The following RALYL variants were observed in gnomAD, a reference collection of about 807,000 sequenced individuals.
The protein encoded by RALYL is RNA-binding Raly-like protein.
A neutral mutation model predicts 35.1 loss-of-function variants in RALYL; 29 were observed. That is an observed-to-expected ratio of 0.83 (90% CI 0.61 to 1.13). The LOEUF is 1.13. Ranked by LOEUF, RALYL falls within the 50% of genes most tolerant of loss-of-function variation. The pLI is 0.00. For synonymous variants in RALYL, 120 were observed against 127.6 expected (o/e 0.94, Z 0.40); for missense variants, 359 against 360.4 (o/e 1.00, Z 0.03).
At chr8:84,312,987 A>G (rs1028168391) in intron 1 of RALYL, among the ~76,000 whole-genome samples, 1 of 152,236 alleles carries the variant, frequency 6.6e-6, no homozygotes, top group Admixed American at 6.5e-5. Flanking sequence ...AGGCTTCTGC[A>G]TGGACATCCA....
chr8:84,321,232 G>A (rs1844747294), intron 1 of RALYL, among the ~76,000 whole-genome samples: 1 of 152,130 alleles, frequency 6.6e-6, no homozygotes, highest in African/African-American at 2.4e-5. Context: ...GCTTCAACAT[G>A]TGAAGAAGTT....
chr8:84,218,015 T>A (rs1325871900), intron 1 of RALYL, among the ~76,000 whole-genome samples: 1 of 152,056 alleles, frequency 6.6e-6, no homozygotes, highest in African/African-American at 2.4e-5. Context: ...CATTTTCAAG[T>A]GATTTGAAAC....
At chr8:84,724,916 C>T (rs1245283181) in intron 2 of RALYL, among the ~76,000 whole-genome samples, 14 of 151,608 alleles carry the variant, frequency 9.2e-5, no homozygotes, top group African/African-American at 3.4e-4. Context: ...CTATGTTCAT[C>T]ATGGAAGTAA....
chr8:84,743,012 A>G (rs1807744481), intron 2 of RALYL, among the ~76,000 whole-genome samples: 1 of 152,006 alleles, frequency 6.6e-6, no homozygotes, highest in African/African-American at 2.4e-5. Context: ...GCTGCCTGAC[A>G]GAGTCATTTC....
chr8:84,600,586 C>G (rs1815697942), intron 2 of RALYL, among the ~76,000 whole-genome samples: 1 of 152,096 alleles, frequency 6.6e-6, no homozygotes, highest in South Asian at 2.1e-4. Flanking sequence ...CTGACATTTG[C>G]TTTCCTTCTA....
chr8:84,206,159 G>T (rs1378222507), intron 1 of RALYL, among the ~76,000 whole-genome samples: 1 of 152,146 alleles, frequency 6.6e-6, no homozygotes, highest in Non-Finnish European at 1.5e-5. Flanking sequence ...CTTTGTAGGG[G>T]ATACAATTCA....
chr8:84,584,959 C>T (rs915135517), intron 2 of RALYL, among the ~76,000 whole-genome samples: 1 of 152,156 alleles, frequency 6.6e-6, no homozygotes, highest in Non-Finnish European at 1.5e-5. Flanking sequence ...TGCCCTAGAG[C>T]AGCCCTGTTC....
intron 1 of RALYL, among the ~76,000 whole-genome samples, chr8:84,412,397 C>G (rs1294544132): frequency 1.3e-5 from 2 of 151,800 alleles, no homozygotes; most frequent in African/African-American, 4.8e-5. Flanking sequence ...TATCTATGTT[C>G]TTTACGTGAA....
chr8:84,566,951 T>C (rs944175162), intron 2 of RALYL, among the ~76,000 whole-genome samples: 3 of 151,750 alleles, frequency 2.0e-5, no homozygotes, highest in African/African-American at 7.2e-5. Context: ...CAGTTTCTTT[T>C]AAAATTTTTC....
chr8:84,711,026 A>T (rs1452835232), intron 2 of RALYL, among the ~76,000 whole-genome samples: 1 of 152,278 alleles, frequency 6.6e-6, no homozygotes. Context: ...AGGAAAAGCC[A>T]CTTACTAAGG....
chr8:84,598,924 A>G (rs1365389373), intron 2 of RALYL, among the ~76,000 whole-genome samples: 2 of 151,996 alleles, frequency 1.3e-5, no homozygotes, highest in Non-Finnish European at 2.9e-5. Flanking sequence ...TCCACGTTCT[A>G]GCTAGCATTT....
At chr8:84,515,364 G>T (rs1465243661) in intron 1 of RALYL, among the ~76,000 whole-genome samples, 1 of 152,050 alleles carries the variant, frequency 6.6e-6, no homozygotes, top group Non-Finnish European at 1.5e-5. Context: ...TTTTTGCGTG[G>T]AGGAATGTTA....
intron 2 of RALYL, among the ~76,000 whole-genome samples, chr8:84,620,126 T>A (rs1374777963): frequency 3.9e-5 from 6 of 152,116 alleles, no homozygotes; most frequent in Non-Finnish European, 1.5e-5. Flanking sequence ...ATTTCCTGAA[T>A]CTGAATGTTG....
chr8:84,471,976 GTGTT>G (rs1445880775), intron 1 of RALYL, among the ~76,000 whole-genome samples: 4 of 152,180 alleles, frequency 2.6e-5, no homozygotes, highest in Non-Finnish European at 5.9e-5. Context: ...TAGAGGCTCA[GTGTT>G]TGTCTAGTAA....
intron 1 of RALYL, among the ~76,000 whole-genome samples, chr8:84,452,933 C>A (rs924108029): frequency 2.0e-5 from 3 of 151,818 alleles, no homozygotes; most frequent in Non-Finnish European, 4.4e-5. Flanking sequence ...ATTTTATATT[C>A]TTGATATAAA....
At chr8:84,456,436 C>T (rs1016161453) in intron 1 of RALYL, among the ~76,000 whole-genome samples, 2 of 151,928 alleles carry the variant, frequency 1.3e-5, no homozygotes, top group Non-Finnish European at 2.9e-5. Flanking sequence ...AAATGCAATA[C>T]TACTCCTGGG....
chr8:84,726,790 A>C (rs1845046175), intron 2 of RALYL, among the ~76,000 whole-genome samples: 1 of 152,032 alleles, frequency 6.6e-6, no homozygotes, highest in Non-Finnish European at 1.5e-5. Context: ...TCACCAATTT[A>C]CTTAGCAAAC....
At chr8:84,342,041 G>T (rs151288615) in intron 1 of RALYL, among the ~76,000 whole-genome samples, 1 of 151,194 alleles carries the variant, frequency 6.6e-6, no homozygotes, top group Non-Finnish European at 1.5e-5. Context: ...GATAAAATAG[G>T]CAAGAAAAAA....
intron 2 of RALYL, among the ~76,000 whole-genome samples, chr8:84,655,440 T>G (rs1053098268): frequency 2.6e-5 from 4 of 152,100 alleles, no homozygotes; most frequent in African/African-American, 9.7e-5. Context: ...GTGATTCTCC[T>G]GCCTCAGCCT....
Sources: gnomAD v4.1 joint callset for allele counts (sites outside exome capture counted in the v4.1 genomes callset) on GRCh38, gnomAD v4.1.1 for gene constraint, MANE v1.5 for transcripts, NCBI Gene and HGNC (gene_info 2026-07-23, HGNC 2026-07-21) for gene names.